The following TAOK1 variants were observed in gnomAD, a reference collection of about 807,000 sequenced individuals.
TAOK1 encodes the protein TAO kinase 1.
A neutral mutation model predicts 138.3 loss-of-function variants in TAOK1; 21 were observed. That is an observed-to-expected ratio of 0.15 (90% CI 0.11 to 0.22). TAOK1 has a LOEUF of 0.22. Ranked by LOEUF, TAOK1 falls within the 10% of genes least tolerant of loss-of-function variation. The pLI, the probability that TAOK1 is intolerant of heterozygous loss-of-function variation, is 1.00. For missense variants in TAOK1, 651 were observed against 1,227.7 expected (o/e 0.53, Z 7.02); for synonymous variants, 361 against 398.4 (o/e 0.91, Z 1.12).
intron 1 of TAOK1, among the ~76,000 whole-genome samples, chr17:29,404,498 A>G (rs1284404732): frequency 2.6e-5 from 4 of 152,168 alleles, no homozygotes; most frequent in African/African-American, 7.2e-5. Context: ...TAACTATGAT[A>G]TAAAAACTTT....
chr17:29,401,798 G>A lies in TAOK1; in HGVS notation c.-95+10774G>A, dbSNP rs138463427. ...GCCTCCTGAGTAGCTGTGCCACCACGCCTGGCTAATTTTTGTACTTTTTGT... is the reference window on the plus strand; with the variant it reads ...GCCTCCTGAGTAGCTGTGCCACCACACCTGGCTAATTTTTGTACTTTTTGT... On this transcript the variant is annotated intron_variant, in intron 1 of 19. Coordinates refer to ENST00000261716, the MANE Select transcript of TAOK1 (RefSeq NM_020791.4). 5.8e-3 allele frequency among the ~76,000 whole-genome samples: 888 copies of A among 152,052 alleles called. 8 individuals are homozygous for A. Among genetic ancestry groups the A allele is most frequent in the Non-Finnish European group, 0.01 (701 of 67,968 alleles).
chr17:29,400,345 G>T (rs1749081672), intron 1 of TAOK1, among the ~76,000 whole-genome samples: 1 of 147,410 alleles, frequency 6.8e-6, no homozygotes, highest in African/African-American at 2.5e-5. Context: ...AGCCGAGATC[G>T]CGCCATTGCA....
intron 1 of TAOK1, among the ~76,000 whole-genome samples, chr17:29,417,761 C>T (rs556638769): frequency 6.6e-6 from 1 of 152,316 alleles, no homozygotes; most frequent in African/African-American, 2.4e-5. Flanking sequence ...ATGGCACCTG[C>T]CGCCCTTTCC....
intron 17 of TAOK1, among the ~76,000 whole-genome samples, chr17:29,530,021 C>T (rs1469769172): frequency 2.0e-5 from 3 of 149,422 alleles, no homozygotes; most frequent in East Asian, 3.9e-4. Flanking sequence ...AGTGAGACTC[C>T]ATCTCAAAAA....
intron 2 of TAOK1, among the ~76,000 whole-genome samples, chr17:29,464,453 A>AG: frequency 6.6e-6 from 1 of 151,886 alleles, no homozygotes; most frequent in Non-Finnish European, 1.5e-5. Context: ...CAAAAAAAAA[A>AG]AAAAAGAAAA....
At chr17:29,396,072 TTAAAG>T (rs1466924895) in intron 1 of TAOK1, among the ~76,000 whole-genome samples, 1 of 152,148 alleles carries the variant, frequency 6.6e-6, no homozygotes, top group Non-Finnish European at 1.5e-5. Context: ...CATTCCATTC[TTAAAG>T]TATTTTAGTT....
chr17:29,518,605 C>G (rs577022316), intron 16 of TAOK1, among the ~76,000 whole-genome samples: 1 of 152,252 alleles, frequency 6.6e-6, no homozygotes, highest in East Asian at 1.9e-4. Flanking sequence ...TCCTGACTCC[C>G]TCACTACAAT....
rs565838313 is a variant in TAOK1, at chr17:29,473,319, A to G, written c.205-2351A>G. Among the ~76,000 whole-genome samples the G allele has an allele frequency of 3.9e-5, 6 of 152,244 alleles. No homozygotes were observed. The East Asian group carries it at 1.2e-3, about 29-fold the overall frequency. On this transcript the variant is annotated intron_variant, in intron 3 of 19. Transcript: ENST00000261716. The stretch of plus-strand genomic sequence containing the variant: ...AAGTCCTAGATGGTATCTTCTTCCA[A>G]TATAAGGCTATTTCATCTACACTGA...
In TAOK1 at chr17:29,444,946, A is replaced by AT. The variant is rs552818897; in HGVS notation, c.-94-6505dup. Among the ~76,000 whole-genome samples the AT allele has an allele frequency of 3.3e-5, 5 of 151,730 alleles. No homozygotes were observed. In the South Asian group the frequency reaches 1.0e-3, roughly 32 times the overall value. On this transcript the variant is annotated intron_variant, in intron 1 of 19. Coordinates refer to ENST00000261716, the MANE Select transcript of TAOK1 (RefSeq NM_020791.4). ...CATTGCTATTTTGTACATTTTTGGG[A>AT]TTTTCTCTGTACACAATAATATTGT...
Position 29,451,519 on chromosome 17 carries a change from T to C in TAOK1, c.-30T>C. On this transcript the variant is annotated 5_prime_UTR_variant, in exon 2 of 20. Coordinates refer to ENST00000261716, the MANE Select transcript of TAOK1 (RefSeq NM_020791.4). Reference sequence around the variant, plus strand: ...AAGGATCGGGATAGCAGTATAAAATTAGAATCAAGACAGCTGACTGCTCAG... The same window carrying C: ...AAGGATCGGGATAGCAGTATAAAATCAGAATCAAGACAGCTGACTGCTCAG... 6.3e-7 allele frequency: 1 copy of C among 1,590,434 alleles called. No homozygotes were observed. The highest frequency in any genetic ancestry group is 8.5e-7 in the Non-Finnish European group (1 of 1,169,898).
Position 29,534,097 on chromosome 17 carries a change from CT to C in TAOK1, c.2362-20del. ...ACATTAGGATATATCTTTTTTTTTT[CT>C]CTCTCTCTCTCTGTCTCAGCTGCGT... On this transcript the variant is annotated intron_variant, in intron 18 of 19. Coordinates refer to ENST00000261716, the MANE Select transcript of TAOK1 (RefSeq NM_020791.4). 2 of 581,614 alleles carry C rather than the reference CT, an allele frequency of 3.4e-6. No homozygotes were observed. The highest frequency in any genetic ancestry group is 4.7e-6 in the Non-Finnish European group (2 of 425,690). 36.0% of individuals were successfully genotyped at this position (581,614 alleles called of 1,614,324 possible).
chr17:29,460,147 A>C (rs1210790566), intron 2 of TAOK1, among the ~76,000 whole-genome samples: 2 of 152,238 alleles, frequency 1.3e-5, no homozygotes, highest in African/African-American at 4.8e-5. Flanking sequence ...TAACTTTTTC[A>C]AAATAAAACT....
intron 8 of TAOK1, among the ~76,000 whole-genome samples, chr17:29,487,979 T>C (rs1057064276): frequency 1.3e-5 from 2 of 152,146 alleles, no homozygotes; most frequent in Non-Finnish European, 2.9e-5. Flanking sequence ...AGGATATAAA[T>C]TATAGCATTA....
intron 17 of TAOK1, among the ~76,000 whole-genome samples, chr17:29,526,877 C>G (rs1054980820): frequency 1.4e-5 from 2 of 148,146 alleles, no homozygotes; most frequent in African/African-American, 2.5e-5. Context: ...GGCTGCAATC[C>G]CAGCACTTTG....
At chr17:29,410,704 C>T (rs1485797135) in intron 1 of TAOK1, among the ~76,000 whole-genome samples, 4 of 143,532 alleles carry the variant, frequency 2.8e-5, no homozygotes, top group Non-Finnish European at 6.0e-5. Context: ...GTGATCTCGG[C>T]TCACTGCTGC....
At chr17:29,426,256 C>T (rs866311136) in intron 1 of TAOK1, among the ~76,000 whole-genome samples, 7 of 152,014 alleles carry the variant, frequency 4.6e-5, no homozygotes, top group Admixed American at 6.6e-5. Flanking sequence ...TAGGTGAAAA[C>T]GTAATGGTGA....
intron 15 of TAOK1, chr17:29,513,211 G>A (rs2031756058): frequency 6.6e-6 from 1 of 152,186 alleles, no homozygotes; most frequent in South Asian, 2.1e-4. Context: ...AATCAGATAT[G>A]TATGTCTTGT....
intron 19 of TAOK1, among the ~76,000 whole-genome samples, chr17:29,539,354 G>A (rs1364584739): frequency 5.3e-5 from 8 of 152,196 alleles, no homozygotes; most frequent in East Asian, 3.9e-4. Context: ...GAGCAGCCTA[G>A]GCAACATGGT....
chr17:29,496,561 A>G (rs903233221), intron 11 of TAOK1, among the ~76,000 whole-genome samples: 2 of 123,748 alleles, frequency 1.6e-5, no homozygotes, highest in African/African-American at 5.9e-5. Context: ...AAGAAACTTG[A>G]TTTCATTCCA....
Sources: gnomAD v4.1 joint callset for allele counts (sites outside exome capture counted in the v4.1 genomes callset) on GRCh38, gnomAD v4.1.1 for gene constraint, MANE v1.5 for transcripts, NCBI Gene and HGNC (gene_info 2026-07-23, HGNC 2026-07-21) for gene names.